The following CD164 variants were observed in gnomAD, a reference collection of about 807,000 sequenced individuals.
The protein encoded by CD164 is CD164 molecule.
Under a neutral mutation model 24.6 loss-of-function variants are expected in CD164, and 11 were observed. The observed-to-expected ratio is 0.45, with a 90% CI of 0.28 to 0.74. CD164 has a LOEUF of 0.74. CD164 is among the 30% of genes least tolerant of loss of function. The probability of loss-of-function intolerance (pLI) is 0.13; values close to 1 mark genes in which losing one functional copy is unlikely to be tolerated. For missense variants in CD164, 295 were observed against 243.7 expected (o/e 1.21, Z -1.40); for synonymous variants, 126 against 100.3 (o/e 1.26, Z -1.53).
rs773985578 is a variant in CD164, at chr6:109,377,978, G to A, written c.260-7C>T. The A allele has an allele frequency of 1.9e-6, 3 of 1,611,332 alleles. No individual in the cohort carries two copies. Among genetic ancestry groups the A allele is most frequent in the South Asian group, 2.2e-5 (2 of 91,022 alleles). ...TGTGAACAATAGCTCTCATCTGTTG[G>A]GGGGCAGGGGAAAAGAGACAAACAG... On this transcript the variant is annotated splice_polypyrimidine_tract_variant and splice_region_variant and intron_variant, in intron 2 of 5. Coordinates refer to ENST00000310786, the MANE Select transcript of CD164 (RefSeq NM_006016.6).
At chr6:109,381,539 C>G (rs867083517) in intron 1 of CD164, 2 of 702,480 alleles carry the variant, frequency 2.8e-6, no homozygotes, top group Middle Eastern at 2.3e-4. Flanking sequence ...ACGCAAAACA[C>G]CCGGTACATA....
chr6:109,379,710 A>T, intron 1 of CD164, 48 bp from the exon 2 acceptor site: 1 of 1,367,872 alleles, frequency 7.3e-7, no homozygotes, highest in Non-Finnish European at 1.0e-6. Context: ...TTTTATTAGT[A>T]TCTTATTTGA....
chr6:109,369,147 T>C (rs1582466887), intron 5 of CD164, 130 bp from the exon 6 acceptor site: 3 of 768,200 alleles, frequency 3.9e-6, no homozygotes, highest in Admixed American at 3.1e-5. Context: ...TCTTTACAGC[T>C]AGAATTTATC....
chr6:109,380,908 C>T (rs1463290894), intron 1 of CD164, among the ~76,000 whole-genome samples: 1 of 152,200 alleles, frequency 6.6e-6, no homozygotes, highest in African/African-American at 2.4e-5. Context: ...CAGTATTATA[C>T]TGCAATTTAC....
At chr6:109,375,626 AAAAAG>A (rs1771354611) in intron 4 of CD164, among the ~76,000 whole-genome samples, 1 of 147,776 alleles carries the variant, frequency 6.8e-6, no homozygotes, top group East Asian at 2.0e-4. Context: ...CCAAAAAAAA[AAAAAG>A]AAAAGAAAAA....
At chr6:109,373,788 A>G (rs143845981) in intron 4 of CD164, among the ~76,000 whole-genome samples, 11 of 152,342 alleles carry the variant, frequency 7.2e-5, no homozygotes, top group Admixed American at 3.3e-4. Flanking sequence ...ACATCACCAT[A>G]TAATCATCAG....
At chr6:109,371,866 T>G (rs1019676283) in intron 4 of CD164, 5 of 152,552 alleles carry the variant, frequency 3.3e-5, no homozygotes, top group Non-Finnish European at 5.9e-5. Context: ...GATATGCTTA[T>G]GCTGGTGGGC....
At position 109,376,104 on chromosome 6, in the gene CD164, C is replaced by T. The variant is rs2115160274; in HGVS notation, c.340G>A (p.Ala114Thr). 2 of 1,564,552 alleles carry T rather than the reference C, an allele frequency of 1.3e-6. No homozygotes were observed. The highest frequency in any genetic ancestry group is 1.2e-5 in the South Asian group (1 of 81,840). Residue 114 changes from alanine (A) to threonine (T), a missense_variant, in exon 4 of 6, where the codon GCC (alanine) becomes ACC (threonine). By Grantham distance (58) the Ala-to-Thr change is moderately conservative. Coordinates refer to ENST00000310786, the MANE Select transcript of CD164 (RefSeq NM_006016.6). ...GAATTGGCTGTTGGCACTGGAGTGG[C>T]CGTGGAAACTATTAAAAAAAGAAAA... ...NTTDFCSVST[A>T]TPVPTANSTA...
intron 5 of CD164, 87 bp from the exon 6 acceptor site, chr6:109,369,104 C>A: frequency 1.7e-6 from 2 of 1,186,364 alleles, no homozygotes; most frequent in Non-Finnish European, 2.4e-6. Flanking sequence ...TCTATTTTGC[C>A]ATGTGTTAAA....
chr6:109,368,318 T>A lies in CD164; in HGVS notation c.*533A>T, dbSNP rs147143577. 1.0e-3 allele frequency: 1,580 copies of A among 1,543,258 alleles called. 57 individuals are homozygous for A. In the East Asian group the frequency reaches 0.039, roughly 38 times the overall value. On this transcript the variant is annotated 3_prime_UTR_variant, in exon 6 of 6. Transcript: ENST00000310786. ...CTGGAATGTAGTTCCTTGTGTGGCATCTTATTTCTAATGTAGAAAAAACAG... is the reference window on the plus strand; with the variant it reads ...CTGGAATGTAGTTCCTTGTGTGGCAACTTATTTCTAATGTAGAAAAAACAG...
Position 109,376,174 on chromosome 6 carries a change from A to G in CD164, c.332-62T>C, listed in dbSNP as rs939066643. 4.4e-5 allele frequency: 52 copies of G among 1,188,236 alleles called. No homozygotes were observed. The Middle Eastern group carries it at 1.0e-3, about 23-fold the overall frequency. 73.6% of individuals were successfully genotyped at this position (1,188,236 alleles called of 1,614,324 possible). ...AAAGCTATTTAAAATATCACAATCT[A>G]TAACGCTAGTTCCTGACCTGCAATC... is the stretch of plus-strand genomic sequence containing the variant. On this transcript the variant is annotated intron_variant, in intron 3 of 5. Coordinates refer to ENST00000310786, the MANE Select transcript of CD164 (RefSeq NM_006016.6).
At chr6:109,378,654 GC>G (rs1355039885) in intron 2 of CD164, among the ~76,000 whole-genome samples, 1 of 152,082 alleles carries the variant, frequency 6.6e-6, no homozygotes, top group Non-Finnish European at 1.5e-5. Flanking sequence ...TTAAAGTAGA[GC>G]ATTCCATCTC....
At chr6:109,375,634 A>G (rs2115158772) in intron 4 of CD164, among the ~76,000 whole-genome samples, 1 of 151,810 alleles carries the variant, frequency 6.6e-6, no homozygotes, top group African/African-American at 2.4e-5. Flanking sequence ...AAAAAAAGAA[A>G]AGAAAAAAAG....
chr6:109,374,130 G>A (rs1771265451), intron 4 of CD164, among the ~76,000 whole-genome samples: 1 of 152,008 alleles, frequency 6.6e-6, no homozygotes, highest in South Asian at 2.1e-4. Context: ...CTAGCCCTTA[G>A]ACATTACTGT....
chr6:109,369,276 A>C (rs1770951646), intron 5 of CD164, among the ~76,000 whole-genome samples: 1 of 152,194 alleles, frequency 6.6e-6, no homozygotes, highest in South Asian at 2.1e-4. Flanking sequence ...TAGTACATAA[A>C]TTGTGCCCTG....
Position 109,381,431 on chromosome 6 carries a change from GAATA to G in CD164, c.175+769_175+772del, listed in dbSNP as rs1272574144. 4.4e-6 allele frequency: 3 copies of G among 689,572 alleles called. No homozygotes were observed. In the East Asian group the frequency reaches 8.1e-5, roughly 19 times the overall value. The allele number at this position is 689,572 out of a possible 1,614,324, so 42.7% of individuals were successfully genotyped here. A position where few individuals can be genotyped will look rare whatever the true frequency, so the allele number is the denominator to read the frequency against. On this transcript the variant is annotated intron_variant, in intron 1 of 5. Coordinates refer to ENST00000310786, the MANE Select transcript of CD164 (RefSeq NM_006016.6). ...AAAATTTTAAAAACAATTGAAAAAAGAATAAACATACAATGTCAGGAGAGTTTAC... is the reference window on the plus strand; with the variant it reads ...AAAATTTTAAAAACAATTGAAAAAAGAACATACAATGTCAGGAGAGTTTAC...
In CD164 at chr6:109,370,430, G is replaced by A. The variant is rs769696445; in HGVS notation, c.408C>T (p.Ser136=). The A allele has an allele frequency of 6.2e-7, 1 of 1,612,996 alleles. No homozygotes were observed. The highest frequency in any genetic ancestry group is 2.2e-5 in the East Asian group (1 of 44,832). The part of the protein sequence containing the change: ...PTVQPSPSTT[S]KTVTTSGTTN... The stretch of plus-strand genomic sequence containing the variant: ...AATTACCTGATGTAGTAACTGTCTT[G>A]GAAGTTGTAGAAGGGGAGGGCTGAA... The change falls in exon 5 of 6, where the codon TCC becomes TCT. Residue 136 remains serine (S), a synonymous_variant. Transcript: ENST00000310786.
chr6:109,379,105 C>G (rs1277700403), intron 2 of CD164, among the ~76,000 whole-genome samples: 1 of 152,176 alleles, frequency 6.6e-6, no homozygotes, highest in Admixed American at 6.5e-5. Flanking sequence ...AAGCATCCAA[C>G]AGTTTCATAA....
chr6:109,373,026 A>T (rs977258016), intron 4 of CD164, among the ~76,000 whole-genome samples: 25 of 152,316 alleles, frequency 1.6e-4, no homozygotes, highest in African/African-American at 5.8e-4. Flanking sequence ...CTGAAAAAAA[A>T]AGATTCATTA....
Sources: gnomAD v4.1 joint callset for allele counts (sites outside exome capture counted in the v4.1 genomes callset) on GRCh38, gnomAD v4.1.1 for gene constraint, MANE v1.5 for transcripts, NCBI Gene and HGNC (gene_info 2026-07-23, HGNC 2026-07-21) for gene names.